The following ZNF248 variants were observed in gnomAD, a reference collection of about 807,000 sequenced individuals.
ZNF248 encodes the protein KRAB protein domain.
Under a neutral mutation model 44.3 loss-of-function variants are expected in ZNF248, and 20 were observed. That is an observed-to-expected ratio of 0.45 (90% CI 0.32 to 0.66). The LOEUF (loss-of-function observed/expected upper bound fraction) is 0.66, where lower values mean the gene tolerates loss of function less well. Ranked by LOEUF, ZNF248 falls within the 30% of genes least tolerant of loss-of-function variation. ZNF248 has a pLI of 0.04. For synonymous variants in ZNF248, 224 were observed against 229.0 expected (o/e 0.98, Z 0.20); for missense variants, 654 against 677.0 (o/e 0.97, Z 0.38).
downstream of ZNF248, among the ~76,000 whole-genome samples, chr10:37,772,498 G>C (rs2046296396): frequency 6.6e-6 from 1 of 152,188 alleles, no homozygotes; most frequent in Admixed American, 6.5e-5. Context: ...TGTTGCTACT[G>C]TATAAGCACA....
rs1470668760 is a variant in ZNF248, at chr10:37,829,471, C to T, written c.*2144G>A. The stretch of plus-strand genomic sequence containing the variant: ...AAGAAATAATTCTTCCCCCTAATTA[C>T]CATATAGAACATTAACACTTAGAAA... On this transcript the variant is annotated 3_prime_UTR_variant, in exon 6 of 6. Coordinates refer to ENST00000395867, the MANE Select transcript of ZNF248 (RefSeq NM_021045.3). 3.0e-6 allele frequency: 3 copies of T among 985,250 alleles called. No homozygotes were observed. Among genetic ancestry groups the T allele is most frequent in the Non-Finnish European group, 3.6e-6 (3 of 829,916 alleles). The allele number at this position is 985,250 out of a possible 1,614,324, so 61.0% of individuals were successfully genotyped here.
chr10:37,814,610 T>C (rs2133469299), intron 6 of ZNF248, among the ~76,000 whole-genome samples: 1 of 152,376 alleles, frequency 6.6e-6, no homozygotes, highest in East Asian at 1.9e-4. Flanking sequence ...TCCAGGAATG[T>C]CTTAATTTCA....
At chr10:37,758,922 A>C in the ZNF248 span, among the ~76,000 whole-genome samples, 1 of 152,204 alleles carries the variant, frequency 6.6e-6, no homozygotes, top group Non-Finnish European at 1.5e-5. Context: ...GCAGAAACAC[A>C]TCTGACATCT....
chr10:37,849,458 G>C (rs2059858703), intron 3 of ZNF248, among the ~76,000 whole-genome samples: 1 of 152,180 alleles, frequency 6.6e-6, no homozygotes, highest in African/African-American at 2.4e-5. Context: ...CAAGGCGGGC[G>C]GATCACCTGA....
At chr10:37,835,406 G>C (rs112747391) in intron 5 of ZNF248, among the ~76,000 whole-genome samples, 65 of 152,258 alleles carry the variant, frequency 4.3e-4, no homozygotes, top group African/African-American at 1.5e-3. Flanking sequence ...AGGAAACCAG[G>C]CTCTCTGGTT....
At chr10:37,835,657 G>A (rs1305845578) in intron 5 of ZNF248, among the ~76,000 whole-genome samples, 1 of 152,152 alleles carries the variant, frequency 6.6e-6, no homozygotes, top group Non-Finnish European at 1.5e-5. Context: ...GAGAGAAAGA[G>A]CAAGAGGAGA....
intron 6 of ZNF248, among the ~76,000 whole-genome samples, chr10:37,810,003 T>C (rs1480264845): frequency 6.6e-6 from 1 of 152,224 alleles, no homozygotes; most frequent in East Asian, 1.9e-4. Flanking sequence ...AGAATAGGTA[T>C]TCTGTAGTAG....
At chr10:37,857,695 C>T (rs1272325847), upstream of ZNF248, 1 of 152,432 alleles carries the variant, frequency 6.6e-6, no homozygotes, top group Non-Finnish European at 1.5e-5. Flanking sequence ...ACGTCACACG[C>T]TACGCACGCG....
At chr10:37,833,685 C>T (rs1304256548) in intron 5 of ZNF248, among the ~76,000 whole-genome samples, 5 of 152,022 alleles carry the variant, frequency 3.3e-5, no homozygotes, top group Admixed American at 6.6e-5. Flanking sequence ...TTCAAAAGAA[C>T]AGTCCTATAT....
intron 6 of ZNF248, among the ~76,000 whole-genome samples, chr10:37,796,831 CATCA>C (rs2049218284): frequency 6.6e-6 from 1 of 152,040 alleles, no homozygotes; most frequent in African/African-American, 2.4e-5. Flanking sequence ...CTGGCTCCTC[CATCA>C]ATCAATTAGA....
At chr10:37,814,172 T>C (rs185776439) in intron 6 of ZNF248, among the ~76,000 whole-genome samples, 41 of 152,294 alleles carry the variant, frequency 2.7e-4, no homozygotes, top group Admixed American at 2.7e-3. Context: ...TTTCTTTTTA[T>C]GTGTGTTCTC....
At chr10:37,779,874 GACAA>G (rs1256475223) in intron 6 of ZNF248, among the ~76,000 whole-genome samples, 3 of 150,874 alleles carry the variant, frequency 2.0e-5, no homozygotes, top group Non-Finnish European at 4.4e-5. Flanking sequence ...ACCAACAACA[GACAA>G]ACAGAGAGCC....
At chr10:37,774,072 T>C (rs1220993709), downstream of ZNF248, among the ~76,000 whole-genome samples, 2 of 152,030 alleles carry the variant, frequency 1.3e-5, no homozygotes, top group African/African-American at 4.8e-5. Flanking sequence ...ACACAGGGCT[T>C]AGGGCATGTT....
chr10:37,769,716 A>T, the ZNF248 span, among the ~76,000 whole-genome samples: 2 of 152,184 alleles, frequency 1.3e-5, no homozygotes, highest in African/African-American at 2.4e-5. Flanking sequence ...CTGGCACAAG[A>T]CAGGGATGCC....
intron 6 of ZNF248, among the ~76,000 whole-genome samples, chr10:37,797,012 T>C (rs1257055549): frequency 6.6e-6 from 1 of 152,196 alleles, no homozygotes; most frequent in Non-Finnish European, 1.5e-5. Context: ...TTATAACATC[T>C]AATAGTAATT....
chr10:37,822,400 T>C (rs1438284263), intron 6 of ZNF248, among the ~76,000 whole-genome samples: 1 of 148,710 alleles, frequency 6.7e-6, no homozygotes, highest in Non-Finnish European at 1.5e-5. Flanking sequence ...AAACTATATA[T>C]ATATTAAACA....
At chr10:37,808,174 A>C (rs894319529) in intron 6 of ZNF248, among the ~76,000 whole-genome samples, 2 of 151,942 alleles carry the variant, frequency 1.3e-5, no homozygotes, top group Non-Finnish European at 2.9e-5. Flanking sequence ...TCATATGTTG[A>C]GTCATCCTTG....
At chr10:37,779,432 G>A (rs543439453) in intron 6 of ZNF248, among the ~76,000 whole-genome samples, 1,654 of 152,220 alleles carry the variant, frequency 0.011, 35 homozygotes, top group African/African-American at 0.038. Context: ...TATCTCAATA[G>A]ATGCAGAAAA....
chr10:37,786,698 T>C (rs1274435977), intron 6 of ZNF248, among the ~76,000 whole-genome samples: 2 of 152,206 alleles, frequency 1.3e-5, no homozygotes, highest in African/African-American at 4.8e-5. Context: ...TAATATAGTT[T>C]ACAGCTGCTT....
Sources: allele counts gnomAD v4.1 joint callset (sites outside exome capture counted in the v4.1 genomes callset), GRCh38; gene constraint gnomAD v4.1.1; transcripts MANE v1.5; gene names NCBI Gene and HGNC (gene_info 2026-07-23, HGNC 2026-07-21).